Variants in MBD2 observed in about 807,000 individuals in gnomAD.
MBD2 encodes the protein methyl-CpG binding domain protein 2.
A neutral mutation model predicts 39.3 loss-of-function variants in MBD2; 9 were observed. The observed-to-expected ratio is 0.23, with a 90% CI of 0.14 to 0.40. MBD2 has a LOEUF of 0.40. MBD2 is among the 10% of genes least tolerant of loss of function. The probability of loss-of-function intolerance (pLI) is 1.00; values close to 1 mark genes in which losing one functional copy is unlikely to be tolerated. For synonymous variants in MBD2, 233 were observed against 211.1 expected (o/e 1.10, Z -0.90); for missense variants, 458 against 532.6 (o/e 0.86, Z 1.38).
chr18:54,222,264 CT>C (rs35724361), intron 1 of MBD2: 597 of 440,424 alleles, frequency 1.4e-3, no homozygotes, highest in Middle Eastern at 3.1e-3. Context: ...CCACAATAAC[CT>C]TTTTTTTTAA....
intron 3 of MBD2, among the ~76,000 whole-genome samples, chr18:54,167,948 A>G (rs1346560188): frequency 6.7e-6 from 1 of 149,426 alleles, no homozygotes; most frequent in Non-Finnish European, 1.5e-5. Flanking sequence ...TCACAGCTAT[A>G]GAAAAAAAAA....
chr18:54,190,554 A>G (rs1046194036), intron 2 of MBD2, among the ~76,000 whole-genome samples: 13 of 152,344 alleles, frequency 8.5e-5, no homozygotes, highest in African/African-American at 3.1e-4. Flanking sequence ...GTTTATATTA[A>G]TCTTTCTTAA....
At chr18:54,218,934 C>G (rs568532631) in intron 1 of MBD2, among the ~76,000 whole-genome samples, 1 of 150,726 alleles carries the variant, frequency 6.6e-6, no homozygotes, top group Non-Finnish European at 1.5e-5. Context: ...TGCACTCCAG[C>G]CTAGGTGACA....
chr18:54,216,480 A>G (rs2086562841), intron 1 of MBD2, among the ~76,000 whole-genome samples: 2 of 152,226 alleles, frequency 1.3e-5, no homozygotes, highest in Admixed American at 1.3e-4. Context: ...AAGATTCAAA[A>G]ATGAATCAGA....
chr18:54,189,685 T>A (rs2086307439), intron 2 of MBD2, among the ~76,000 whole-genome samples: 1 of 152,162 alleles, frequency 6.6e-6, no homozygotes, highest in Non-Finnish European at 1.5e-5. Flanking sequence ...GGTCTCACTC[T>A]GTTGCCCAGA....
At chr18:54,199,850 T>C (rs1457574180) in intron 2 of MBD2, among the ~76,000 whole-genome samples, 1 of 152,184 alleles carries the variant, frequency 6.6e-6, no homozygotes, top group South Asian at 2.1e-4. Flanking sequence ...GTCTCCATAC[T>C]GTGCCCCACT....
intron 5 of MBD2, 162 bp from the exon 6 acceptor site, chr18:54,160,065 C>T (rs1480159086): frequency 2.9e-6 from 2 of 686,028 alleles, no homozygotes; most frequent in Non-Finnish European, 4.7e-6. Flanking sequence ...CAAATCAAAC[C>T]TCACCAATGA....
intron 1 of MBD2, among the ~76,000 whole-genome samples, chr18:54,221,573 G>A (rs763925042): frequency 1.4e-3 from 219 of 151,880 alleles, no homozygotes; most frequent in African/African-American, 4.4e-3. Flanking sequence ...TCAGGAGTTC[G>A]ACACCAGCCT....
chr18:54,160,613 G>C (rs1321497025), intron 5 of MBD2, among the ~76,000 whole-genome samples: 3 of 146,958 alleles, frequency 2.0e-5, no homozygotes, highest in Non-Finnish European at 4.5e-5. Flanking sequence ...TAGAGCACAG[G>C]AAGAAAGGCT....
chr18:54,223,953 G>T, intron 1 of MBD2, 65 bp downstream of exon 1: 1 of 1,399,982 alleles, frequency 7.1e-7, no homozygotes, highest in Non-Finnish European at 9.7e-7. Flanking sequence ...CCTCTGCCCA[G>T]GCCCGCTCTT....
chr18:54,162,672 C>T (rs1145316), intron 5 of MBD2, among the ~76,000 whole-genome samples: 8,109 of 152,246 alleles, frequency 0.053, 695 homozygotes, highest in African/African-American at 0.18. Context: ...CAGCATTCAT[C>T]CCAAGATGGA....
intron 2 of MBD2, among the ~76,000 whole-genome samples, chr18:54,191,994 G>T (rs562608292): frequency 3.3e-5 from 5 of 152,302 alleles, no homozygotes; most frequent in African/African-American, 1.2e-4. Flanking sequence ...GAAGTGTGAG[G>T]CTCAGGAGTA....
chr18:54,219,117 T>A (rs2086587234), intron 1 of MBD2, among the ~76,000 whole-genome samples: 1 of 152,218 alleles, frequency 6.6e-6, no homozygotes, highest in Admixed American at 6.5e-5. Flanking sequence ...ACACAGTCGA[T>A]GAAATTCAAA....
chr18:54,196,356 A>T (rs565276915), intron 2 of MBD2, among the ~76,000 whole-genome samples: 1 of 152,326 alleles, frequency 6.6e-6, no homozygotes, highest in East Asian at 1.9e-4. Flanking sequence ...TTCATCAATG[A>T]AAACACGTTT....
intron 3 of MBD2, among the ~76,000 whole-genome samples, chr18:54,168,023 A>G (rs2086148081): frequency 6.7e-6 from 1 of 150,362 alleles, no homozygotes; most frequent in Non-Finnish European, 1.5e-5. Context: ...TAGTGAGGAT[A>G]AGATTAGTAA....
At chr18:54,190,870 A>C (rs2086315764) in intron 2 of MBD2, among the ~76,000 whole-genome samples, 1 of 152,188 alleles carries the variant, frequency 6.6e-6, no homozygotes, top group Non-Finnish European at 1.5e-5. Context: ...CAATCAATCA[A>C]TAAAATCTAC....
At chr18:54,196,930 G>A in intron 2 of MBD2, among the ~76,000 whole-genome samples, 1 of 152,152 alleles carries the variant, frequency 6.6e-6, no homozygotes, top group East Asian at 1.9e-4. Context: ...ATAGCTACAT[G>A]ACTCAAATTA....
Position 54,159,768 on chromosome 18 carries a change from A to G in MBD2, c.*9T>C. The G allele has an allele frequency of 6.2e-7, 1 of 1,608,048 alleles. No homozygotes were observed. The highest frequency in any genetic ancestry group is 1.1e-5 in the South Asian group (1 of 91,082). On this transcript the variant is annotated 3_prime_UTR_variant, in exon 6 of 7. Coordinates refer to ENST00000256429, the MANE Select transcript of MBD2 (RefSeq NM_003927.5). ...ACTCTCTCTGGTGTCAGTTTACCTG[A>G]TCATATTCTTAGGCTTCATCTCCAC...
rs2086438855 is a variant in MBD2, at chr18:54,205,126, G to A, written c.574C>T (p.Gln192Ter). ...GTATTTCCCAGGTACCTTGCCAACT[G>A]AGGCTTGCTTCTGAACTTCTTACCA... Reference protein sequence around the residue: ...PSGKKFRSKPQLARYLGNTVD... With the variant: ...PSGKKFRSKP The change falls in exon 2 of 7, where the codon CAG becomes TAG. Residue 192 changes from glutamine (Q) to a stop codon, truncating the protein, a stop_gained. Transcript: ENST00000256429. LOFTEE classifies it high-confidence loss of function. 1 of 1,613,870 alleles carries A rather than the reference G, an allele frequency of 6.2e-7. No homozygotes were observed. Among genetic ancestry groups the A allele is most frequent in the Non-Finnish European group, 8.5e-7 (1 of 1,179,912 alleles).
Sources: gnomAD v4.1 joint callset for allele counts (sites outside exome capture counted in the v4.1 genomes callset) on GRCh38, gnomAD v4.1.1 for gene constraint, MANE v1.5 for transcripts, NCBI Gene and HGNC (gene_info 2026-07-23, HGNC 2026-07-21) for gene names.